Variants in TAOK2 observed in about 807,000 individuals in gnomAD.
TAOK2 encodes the protein serine/threonine-protein kinase TAO2.
Under a neutral mutation model 122.5 loss-of-function variants are expected in TAOK2, and 42 were observed. That is an observed-to-expected ratio of 0.34 (90% confidence interval 0.27 to 0.44). The LOEUF is 0.44. Among genes scored for constraint, TAOK2 ranks in the 20% least tolerant of loss-of-function variants. The pLI is 1.00. For synonymous variants in TAOK2, 704 were observed against 677.6 expected (o/e 1.04, Z -0.61); for missense variants, 1,264 against 1,644.9 (o/e 0.77, Z 4.01).
At chr16:29,991,389 C>A (rs986157545), downstream of TAOK2, 10 of 1,571,202 alleles carry the variant, frequency 6.4e-6, no homozygotes, top group Admixed American at 1.8e-5. The surrounding 1 kb of genome is among the most constrained non-coding windows in gnomAD (Gnocchi z 5.6). Flanking sequence ...AAGTGGGACA[C>A]CCCGTGGCGG....
At chr16:29,989,161 G>T (rs987030475), downstream of TAOK2, 30 of 985,060 alleles carry the variant, frequency 3.0e-5, no homozygotes, top group Non-Finnish European at 3.6e-5. Flanking sequence ...TCTCGTGCAC[G>T]TTCTCATATT....
Position 29,986,799 on chromosome 16 carries a change from C to T in TAOK2, c.2527C>T (p.Pro843Ser). Reference sequence around the variant, plus strand: ...GGTTGATGAGGAAGTTTGGGGTCTGCCTGAGGAGATAGAGGAGCTTAGGGT... The same window carrying T: ...GGTTGATGAGGAAGTTTGGGGTCTGTCTGAGGAGATAGAGGAGCTTAGGGT... ...SLVDEEVWGL[P>S]EEIEELRVPS... The change falls in exon 16 of 16, where the codon CCT becomes TCT. Residue 843 changes from proline (P) to serine (S), a missense_variant. Physicochemically the swap from Pro to Ser is moderately conservative, Grantham distance 74 (BLOSUM62 -1). Coordinates refer to ENST00000308893, the MANE Select transcript of TAOK2 (RefSeq NM_016151.4). The surrounding 1 kb of genome is among the most constrained non-coding windows in gnomAD (Gnocchi z 4.2). The T allele has an allele frequency of 6.2e-7, 1 of 1,613,836 alleles. No individual in the cohort carries two copies. Among genetic ancestry groups the T allele is most frequent in the Non-Finnish European group, 8.5e-7 (1 of 1,179,848 alleles).
chr16:29,975,098 G>GTGTGTGTATATGTGTT (rs1269976724), intron 1 of TAOK2, among the ~76,000 whole-genome samples: 1 of 152,148 alleles, frequency 6.6e-6, no homozygotes, highest in Non-Finnish European at 1.5e-5. Flanking sequence ...TTGCAAGGAA[G>GTGTGTGTATATGTGTT]TGTGTGTATA....
downstream of TAOK2, chr16:29,991,573 C>T: frequency 2.7e-6 from 4 of 1,463,374 alleles, no homozygotes; most frequent in Middle Eastern, 2.1e-4. This position sits in a 1 kb window ranked among gnomAD's most constrained non-coding sequence, Gnocchi z 5.6. Flanking sequence ...TCCTGAGGTG[C>T]AGCGGGGAGG....
chr16:29,979,069 A>C lies in TAOK2; in HGVS notation c.448A>C (p.Arg150=), dbSNP rs1185056445. 1 of 1,614,034 alleles carries C rather than the reference A, an allele frequency of 6.2e-7. No homozygotes were observed. The highest frequency in any genetic ancestry group is 8.5e-7 in the Non-Finnish European group (1 of 1,180,036). The change falls in exon 6 of 16, where the codon AGG becomes CGG. Residue 150 remains arginine, a splice_region_variant and synonymous_variant. Transcript: ENST00000308893. The surrounding 1 kb of genome is among the most constrained non-coding windows in gnomAD (Gnocchi z 4.1). ...TCTGCACTCCCACAACATGATCCAT[A>C]GGTACAAGCAGCACCGGCAGTGCCT... The part of the protein sequence containing the change: ...AYLHSHNMIH[R]DVKAGNILLS...
At chr16:29,989,876 G>A (rs1198699001), downstream of TAOK2, 27 of 1,506,832 alleles carry the variant, frequency 1.8e-5, no homozygotes, top group Admixed American at 2.6e-4. Context: ...AGAAATGGAC[G>A]GTGCAGGGCA....
downstream of TAOK2, chr16:29,989,552 C>T (rs764353205): frequency 1.1e-5 from 18 of 1,610,084 alleles, no homozygotes; most frequent in African/African-American, 6.7e-5. Context: ...TCCTCCTCTT[C>T]CCCGCTGCCC....
intron 1 of TAOK2, among the ~76,000 whole-genome samples, chr16:29,976,192 C>G (rs186762993): frequency 5.3e-5 from 8 of 152,240 alleles, no homozygotes; most frequent in Admixed American, 5.2e-4. Flanking sequence ...ATTCCTTTGG[C>G]AAGTTGAGAG....
In TAOK2 at chr16:29,974,953, C is replaced by T. The variant is rs1296922618; in HGVS notation, c.-36+305C>T. Among the ~76,000 whole-genome samples the T allele has an allele frequency of 2.0e-5, 3 of 152,100 alleles. No homozygotes were observed. In the East Asian group the frequency reaches 5.8e-4, roughly 29 times the overall value. On this transcript the variant is annotated intron_variant, in intron 1 of 15. Coordinates refer to ENST00000308893, the MANE Select transcript of TAOK2 (RefSeq NM_016151.4). ...TTCAGTCTTCTCTCCTTCACTTTGC[C>T]CCTCACAGCCACCTCTCCTCCCTGA...
downstream of TAOK2, chr16:29,990,722 G>T (rs1338211852): frequency 2.0e-6 from 3 of 1,517,022 alleles, no homozygotes; most frequent in African/African-American, 1.4e-5. Context: ...CCTACCTGGG[G>T]CAGGGGAGGA....
rs1181678852 is a variant in TAOK2, at chr16:29,987,071, A to G, written c.2799A>G (p.Thr933=). ...ACATCCCTCCTGAACCCCCTCCAACACACCTGAGGCCCTGCCCTGCCAGCC... is the reference window on the plus strand; with the variant it reads ...ACATCCCTCCTGAACCCCCTCCAACGCACCTGAGGCCCTGCCCTGCCAGCC... ...SPDIPPEPPP[T]HLRPCPASQL... The change falls in exon 16 of 16, where the codon ACA becomes ACG. Residue 933 remains threonine (T), a synonymous_variant. Coordinates refer to ENST00000308893, the MANE Select transcript of TAOK2 (RefSeq NM_016151.4). 3 of 1,613,314 alleles carry G rather than the reference A, an allele frequency of 1.9e-6. No individual in the cohort carries two copies. The African/African-American group carries it at 4.0e-5, about 22-fold the overall frequency.
At chr16:29,976,078 T>C (rs1484183361) in intron 1 of TAOK2, among the ~76,000 whole-genome samples, 1 of 152,190 alleles carries the variant, frequency 6.6e-6, no homozygotes, top group Non-Finnish European at 1.5e-5. Flanking sequence ...TTTGTTGTTA[T>C]TATGGGGAAG....
Position 29,988,105 on chromosome 16 carries a change from C to G in TAOK2, c.*125C>G. ...CCTTCCTCAGTTTGCTCACTTACCC[C>G]AGGCCCAGCCCTTCGGACCTCTAGA... On this transcript the variant is annotated 3_prime_UTR_variant, in exon 16 of 16. Coordinates refer to ENST00000308893, the MANE Select transcript of TAOK2 (RefSeq NM_016151.4). 1 of 1,435,102 alleles carries G rather than the reference C, an allele frequency of 7.0e-7. No homozygotes were observed. The highest frequency in any genetic ancestry group is 1.5e-5 in the South Asian group (1 of 67,216). The allele number at this position is 1,435,102 out of a possible 1,614,324, so 88.9% of individuals were successfully genotyped here. A position where few individuals can be genotyped will look rare whatever the true frequency, so the allele number is the denominator to read the frequency against.
chr16:29,987,073 A>T lies in TAOK2; in HGVS notation c.2801A>T (p.His934Leu), dbSNP rs779227926. 1 of 1,613,246 alleles carries T rather than the reference A, an allele frequency of 6.2e-7. No individual in the cohort carries two copies. Among genetic ancestry groups the T allele is most frequent in the Non-Finnish European group, 8.5e-7 (1 of 1,179,482 alleles). ...PDIPPEPPPTHLRPCPASQLP... is the reference protein window; with the variant it reads ...PDIPPEPPPTLLRPCPASQLP... ...ATCCCTCCTGAACCCCCTCCAACAC[A>T]CCTGAGGCCCTGCCCTGCCAGCCAG... The change falls in exon 16 of 16, where the codon CAC (histidine) becomes CTC (leucine). Residue 934 changes from histidine to leucine, a missense_variant. His to Leu is a moderately conservative substitution (Grantham distance 99). Coordinates refer to ENST00000308893, the MANE Select transcript of TAOK2 (RefSeq NM_016151.4).
intron 13 of TAOK2, among the ~76,000 whole-genome samples, chr16:29,984,369 C>A (rs531216300): frequency 1.3e-5 from 2 of 152,202 alleles, no homozygotes; most frequent in Admixed American, 6.5e-5. Context: ...TCTCAGTTCA[C>A]AGGAAAAAGT....
rs967742916 is a variant in TAOK2 at position 29,988,132 on chromosome 16, A to G, written c.*152A>G. ...GGCCCAGCCCTTCGGACCTCTAGACAGGCAGCCTCCTCAGCTGTGGAGTCC... is the reference window on the plus strand; with the variant it reads ...GGCCCAGCCCTTCGGACCTCTAGACGGGCAGCCTCCTCAGCTGTGGAGTCC... On this transcript the variant is annotated 3_prime_UTR_variant, in exon 16 of 16. Coordinates refer to ENST00000308893, the MANE Select transcript of TAOK2 (RefSeq NM_016151.4). 4 of 1,432,412 alleles carry G rather than the reference A, an allele frequency of 2.8e-6. No homozygotes were observed. Among genetic ancestry groups the G allele is most frequent in the Admixed American group, 2.9e-5 (1 of 34,696 alleles). The allele number at this position is 1,432,412 out of a possible 1,614,324, so 88.7% of individuals were successfully genotyped here.
chr16:29,988,126 C>G lies in TAOK2; in HGVS notation c.*146C>G, dbSNP rs910856488. On this transcript the variant is annotated 3_prime_UTR_variant, in exon 16 of 16. Coordinates refer to ENST00000308893, the MANE Select transcript of TAOK2 (RefSeq NM_016151.4). ...ACCCCAGGCCCAGCCCTTCGGACCTCTAGACAGGCAGCCTCCTCAGCTGTG... is the reference window on the plus strand; with the variant it reads ...ACCCCAGGCCCAGCCCTTCGGACCTGTAGACAGGCAGCCTCCTCAGCTGTG... 2.0e-5 allele frequency: 29 copies of G among 1,433,138 alleles called. No homozygotes were observed. The highest frequency in any genetic ancestry group is 2.6e-5 in the Non-Finnish European group (29 of 1,098,612). 88.8% of individuals were successfully genotyped at this position (1,433,138 alleles called of 1,614,324 possible).
Position 29,979,533 on chromosome 16 carries a change from C to A in TAOK2, c.655+25C>A. 1 of 1,481,148 alleles carries A rather than the reference C, an allele frequency of 6.8e-7. No homozygotes were observed. The highest frequency in any genetic ancestry group is 2.4e-5 in the East Asian group (1 of 42,328). The allele number at this position is 1,481,148 out of a possible 1,614,324, so 91.8% of individuals were successfully genotyped here. The stretch of plus-strand genomic sequence containing the variant: ...GGTAAGAACATCCTCCCTGTTCCCT[C>A]ATCATCTTTTCCATTCTTTCCTGTT... On this transcript the variant is annotated intron_variant, in intron 8 of 15. Transcript: ENST00000308893. This position sits in a 1 kb window ranked among gnomAD's most constrained non-coding sequence, Gnocchi z 4.1.
Position 29,988,143 on chromosome 16 carries a change from T to A in TAOK2, c.*163T>A, listed in dbSNP as rs370746452. Reference sequence around the variant, plus strand: ...TCGGACCTCTAGACAGGCAGCCTCCTCAGCTGTGGAGTCCAGCAGTCACTC... The same window carrying A: ...TCGGACCTCTAGACAGGCAGCCTCCACAGCTGTGGAGTCCAGCAGTCACTC... On this transcript the variant is annotated 3_prime_UTR_variant, in exon 16 of 16. Transcript: ENST00000308893. 52 of 1,433,134 alleles carry A rather than the reference T, an allele frequency of 3.6e-5. 1 individual carries two copies. The East Asian group carries it at 8.0e-4, about 22-fold the overall frequency. The allele number at this position is 1,433,134 out of a possible 1,614,324, so 88.8% of individuals were successfully genotyped here. A position where few individuals can be genotyped will look rare whatever the true frequency, so the allele number is the denominator to read the frequency against.
Sources: gnomAD v4.1 joint callset for allele counts (sites outside exome capture counted in the v4.1 genomes callset) on GRCh38, gnomAD v4.1.1 for gene constraint, Gnocchi (gnomAD v3.1) non-coding constraint, MANE v1.5 for transcripts, NCBI Gene and HGNC (gene_info 2026-07-23, HGNC 2026-07-21) for gene names.